SLC71A2: variants seen among roughly 807,000 people sequenced by gnomAD.
SLC71A2 encodes hippocampus abundant transcript-like 1.
At chr9:94,446,910 T>C in the SLC71A2 span, 4 of 1,605,330 alleles carry the variant, frequency 2.5e-6, no homozygotes, top group Non-Finnish European at 3.4e-6. Context: ...TGGACAGTAT[T>C]CAAGTTTTTT....
chr9:94,392,833 C>G, the SLC71A2 span, among the ~76,000 whole-genome samples: 2 of 123,260 alleles, frequency 1.6e-5, no homozygotes, highest in Non-Finnish European at 1.6e-5. Flanking sequence ...ACACAATGAT[C>G]ATCTTTAGTA....
the SLC71A2 span, among the ~76,000 whole-genome samples, chr9:94,399,746 G>A: frequency 5.3e-5 from 8 of 151,900 alleles, 1 homozygote; most frequent in South Asian, 1.5e-3. Context: ...GGTCGATCTA[G>A]GTCTTGTTTC....
At chr9:94,459,573 TTTTTTTTTTTTCTCTTACATTC>T in the SLC71A2 span, 3 of 41,876 alleles carry the variant, frequency 7.2e-5, no homozygotes. Flanking sequence ...CCTCCTCCTG[TTTTTTTTTTTTCTCTTACATTC>T]TTTTTTTTTT....
the SLC71A2 span, among the ~76,000 whole-genome samples, chr9:94,413,936 C>T: frequency 2.0e-5 from 3 of 152,154 alleles, no homozygotes; most frequent in African/African-American, 4.8e-5. Flanking sequence ...TTCTTATCCT[C>T]TCATATGCCT....
At chr9:94,415,690 G>A in the SLC71A2 span, among the ~76,000 whole-genome samples, 1 of 151,982 alleles carries the variant, frequency 6.6e-6, no homozygotes, top group Non-Finnish European at 1.5e-5. Context: ...CTCATAATGA[G>A]CGCAACTTAG....
chr9:94,427,565 T>C, the SLC71A2 span, among the ~76,000 whole-genome samples: 1 of 124,536 alleles, frequency 8.0e-6, no homozygotes, highest in Non-Finnish European at 1.6e-5. Context: ...TGTAGAATTC[T>C]AGCAGTGGTC....
At chr9:94,430,199 G>A in the SLC71A2 span, among the ~76,000 whole-genome samples, 1 of 146,956 alleles carries the variant, frequency 6.8e-6, no homozygotes, top group East Asian at 2.0e-4. Flanking sequence ...CACCGCGCCT[G>A]ACTGTTCCTC....
the SLC71A2 span, among the ~76,000 whole-genome samples, chr9:94,379,628 T>C: frequency 5.8e-4 from 88 of 152,038 alleles, no homozygotes; most frequent in African/African-American, 2.1e-3. Context: ...TGGCCTCAAG[T>C]AATCCTCCAG....
the SLC71A2 span, among the ~76,000 whole-genome samples, chr9:94,417,221 A>AACTT: frequency 6.6e-6 from 1 of 152,216 alleles, no homozygotes; most frequent in Admixed American, 6.5e-5. Context: ...ACACATAACA[A>AACTT]ACTTACCATT....
At chr9:94,422,920 G>C in the SLC71A2 span, among the ~76,000 whole-genome samples, 2 of 145,136 alleles carry the variant, frequency 1.4e-5, no homozygotes, top group African/African-American at 5.1e-5. Flanking sequence ...CCTTATTCTT[G>C]GATTGTCTTT....
the SLC71A2 span, among the ~76,000 whole-genome samples, chr9:94,434,749 AG>A: frequency 5.9e-5 from 9 of 152,308 alleles, no homozygotes; most frequent in South Asian, 1.9e-3. Flanking sequence ...ACCATTACAC[AG>A]TATTAATAAT....
chr9:94,397,227 C>G, the SLC71A2 span, among the ~76,000 whole-genome samples: 1 of 152,066 alleles, frequency 6.6e-6, no homozygotes, highest in Admixed American at 6.6e-5. Context: ...TTTTCCTATA[C>G]TCCATACCCA....
At chr9:94,390,843 G>A in the SLC71A2 span, among the ~76,000 whole-genome samples, 42 of 152,244 alleles carry the variant, frequency 2.8e-4, no homozygotes, top group Middle Eastern at 3.4e-3. Context: ...CAGTCTCTAG[G>A]AATTAGGAGT....
At chr9:94,418,775 T>C in the SLC71A2 span, among the ~76,000 whole-genome samples, 200 of 139,366 alleles carry the variant, frequency 1.4e-3, no homozygotes, top group Non-Finnish European at 1.5e-3. Flanking sequence ...TTTTTTTTTT[T>C]CACGAGTGGG....
chr9:94,442,084 T>C, the SLC71A2 span, among the ~76,000 whole-genome samples: 1 of 152,142 alleles, frequency 6.6e-6, no homozygotes, highest in Non-Finnish European at 1.5e-5. Context: ...TATTTGAAAA[T>C]ATTCAGAATA....
At chr9:94,442,032 G>C in the SLC71A2 span, among the ~76,000 whole-genome samples, 4 of 152,308 alleles carry the variant, frequency 2.6e-5, no homozygotes, top group African/African-American at 9.6e-5. Context: ...GAACCTGTGA[G>C]ACATGGAAGT....
chr9:94,459,703 C>G, the SLC71A2 span: 2 of 328,256 alleles, frequency 6.1e-6, no homozygotes, highest in South Asian at 4.5e-5. Context: ...AGTCATCTCT[C>G]TGGTAGAAAG....
At chr9:94,392,532 C>T in the SLC71A2 span, among the ~76,000 whole-genome samples, 2 of 151,504 alleles carry the variant, frequency 1.3e-5, no homozygotes, top group African/African-American at 4.9e-5. Flanking sequence ...GACGGAGTCT[C>T]ACTCTGTTGC....
chr9:94,439,563 G>A, the SLC71A2 span, among the ~76,000 whole-genome samples: 2 of 144,798 alleles, frequency 1.4e-5, no homozygotes, highest in Non-Finnish European at 3.0e-5. Flanking sequence ...TTTTTAGCTC[G>A]TGTGAAAATA....
Sources: gnomAD v4.1 joint callset for allele counts (sites outside exome capture counted in the v4.1 genomes callset) on GRCh38, gnomAD v4.1.1 for gene constraint, MANE v1.5 for transcripts, NCBI Gene and HGNC (gene_info 2026-07-23, HGNC 2026-07-21) for gene names.